The following CSDE1 variants were observed in gnomAD, a reference collection of about 807,000 sequenced individuals.
The protein encoded by CSDE1 is cold shock domain-containing protein E1.
In CSDE1, 17 loss-of-function variants were observed where a neutral mutation model predicts 89.3. The observed-to-expected ratio is 0.19, with a 90% CI of 0.13 to 0.29. The LOEUF (loss-of-function observed/expected upper bound fraction) is 0.29. Among genes scored for constraint, CSDE1 ranks in the 10% least tolerant of loss-of-function variants. The probability of loss-of-function intolerance (pLI) is 1.00; values close to 1 mark genes in which losing one functional copy is unlikely to be tolerated. For missense variants in CSDE1, 672 were observed against 984.2 expected, an observed-to-expected ratio of 0.68 and a Z score of 4.24; for synonymous variants, 322 against 332.8, an observed-to-expected ratio of 0.97 and a Z score of 0.35.
At chr1:114,734,175 C>T in intron 7 of CSDE1, 58 bp from the exon 8 acceptor site, 1 of 1,551,004 alleles carries the variant, frequency 6.4e-7, no homozygotes, top group Admixed American at 2.1e-5. Context: ...TTTATGATTA[C>T]AACTTAAAAC....
intron 1 of CSDE1, among the ~76,000 whole-genome samples, chr1:114,751,073 G>T: frequency 6.6e-6 from 1 of 152,194 alleles, no homozygotes; most frequent in East Asian, 1.9e-4. Context: ...TCAACGTGAT[G>T]TAACAGGAAA....
chr1:114,735,718 T>C (rs1394912021), intron 6 of CSDE1, among the ~76,000 whole-genome samples: 1 of 152,194 alleles, frequency 6.6e-6, no homozygotes, highest in Non-Finnish European at 1.5e-5. Flanking sequence ...TTACTAGCAC[T>C]TTCTCCAACT....
chr1:114,727,085 A>T lies in CSDE1; in HGVS notation c.1362T>A (p.Ala454=). The change falls in exon 13 of 20, where the codon GCT becomes GCA. Residue 454 remains alanine, a synonymous_variant. Coordinates refer to ENST00000358528, the MANE Select transcript of CSDE1 (RefSeq NM_001007553.3). The part of the protein sequence containing the change: ...TSPNKGKEKE[A]EDGIIAYDDC... ...CATCATAAGCAATAATGCCATCCTC[A>T]GCCTCCTAAAGAGATACAGTCAAAA... is the stretch of plus-strand genomic sequence containing the variant. The T allele has an allele frequency of 6.2e-7, 1 of 1,607,588 alleles. No homozygotes were observed. The highest frequency in any genetic ancestry group is 8.5e-7 in the Non-Finnish European group (1 of 1,174,610).
chr1:114,739,932 A>G (rs753109594), intron 2 of CSDE1, 42 bp from the exon 3 acceptor site: 2 of 1,502,042 alleles, frequency 1.3e-6, no homozygotes, highest in African/African-American at 1.4e-5. Context: ...TCTGTACATT[A>G]TCTCCATAGC....
chr1:114,718,637 C>T lies in CSDE1; in HGVS notation c.2325G>A (p.Gln775=), dbSNP rs762516403. ...CCATTGAGTTATCTGGTCCCCTTGG[C>T]TGACGAAGAACCATTAGGCGAGGAG... is the stretch of plus-strand genomic sequence containing the variant. ...ASAPRLMVLR[Q]PRGPDNSMGF... The change falls in exon 19 of 20, where the codon CAG becomes CAA. Residue 775 remains glutamine (Q), a synonymous_variant. Coordinates refer to ENST00000358528, the MANE Select transcript of CSDE1 (RefSeq NM_001007553.3). 19 of 1,614,016 alleles carry T rather than the reference C, an allele frequency of 1.2e-5. No individual in the cohort carries two copies. The highest frequency in any genetic ancestry group is 1.6e-5 in the Non-Finnish European group (19 of 1,180,018).
intron 16 of CSDE1, among the ~76,000 whole-genome samples, chr1:114,720,930 G>A (rs779541151): frequency 3.9e-5 from 6 of 152,168 alleles, no homozygotes; most frequent in Non-Finnish European, 8.8e-5. Context: ...GCTCCCATCA[G>A]TACTTTATTA....
chr1:114,756,949 T>G (rs1018428980), intron 1 of CSDE1: 2 of 152,172 alleles, frequency 1.3e-5, no homozygotes, highest in Non-Finnish European at 1.5e-5. Context: ...TGGCAAAAAT[T>G]TGAAGCTGTC....
rs369575435 is a variant in CSDE1, at chr1:114,738,086, A to C, written c.200-14T>G. On this transcript the variant is annotated splice_polypyrimidine_tract_variant and intron_variant, in intron 3 of 19. Coordinates refer to ENST00000358528, the MANE Select transcript of CSDE1 (RefSeq NM_001007553.3). ...ATTCAACATCATCTAAAAATAAATA[A>C]TGTGTTATGTTTGTTGAACTGATTT... The C allele has an allele frequency of 1.3e-6, 2 of 1,586,026 alleles. No homozygotes were observed. The highest frequency in any genetic ancestry group is 2.7e-5 in the African/African-American group (2 of 74,306).
chr1:114,734,974 T>A (rs1189357920), intron 6 of CSDE1, among the ~76,000 whole-genome samples: 3 of 152,254 alleles, frequency 2.0e-5, no homozygotes, highest in Non-Finnish European at 4.4e-5. Context: ...GATACAGAGA[T>A]AAATAGGAGA....
intron 6 of CSDE1, among the ~76,000 whole-genome samples, chr1:114,736,474 CCCTCAAAACTTA>C (rs1345222152): frequency 6.6e-6 from 1 of 152,166 alleles, no homozygotes. Context: ...CTATACCCCT[CCCTCAAAACTTA>C]CCTCAAAGCA....
chr1:114,735,076 C>T (rs12135718), intron 6 of CSDE1, among the ~76,000 whole-genome samples: 30,826 of 152,050 alleles, frequency 0.2, 3,574 homozygotes, highest in Non-Finnish European at 0.25. Flanking sequence ...AATGAAGTGA[C>T]TTTAAGAGAA....
At chr1:114,741,513 C>A in intron 2 of CSDE1, 1 of 1,542,864 alleles carries the variant, frequency 6.5e-7, no homozygotes, top group Non-Finnish European at 8.8e-7. Flanking sequence ...GAGATGACTG[C>A]TTTCCTGACT....
At position 114,737,499 on chromosome 1, in the gene CSDE1, G is replaced by T. The variant is rs1404453456; in HGVS notation, c.374C>A (p.Thr125Lys). The T allele has an allele frequency of 6.2e-7, 1 of 1,613,782 alleles. No homozygotes were observed. The highest frequency in any genetic ancestry group is 1.7e-5 in the Admixed American group (1 of 59,984). The change falls in exon 5 of 20, where the codon ACA (threonine) becomes AAA (lysine). Residue 125 changes from threonine to lysine, a missense_variant. By Grantham distance (78) the Thr-to-Lys change is moderately conservative. Transcript: ENST00000358528. ...KSPAAPGQSP[T>K]GSVCYERNGE... ...ATTACGTTCGTAGCATACACTCCCT[G>T]TTGGACTCTGACCCGGGGCAGCTGG...
chr1:114,736,901 T>A (rs771372715), intron 5 of CSDE1, 46 bp from the exon 6 acceptor site: 3 of 1,418,832 alleles, frequency 2.1e-6, no homozygotes, highest in Non-Finnish European at 3.0e-6. Context: ...GGATGCATAT[T>A]CACTGTATAC....
intron 12 of CSDE1, among the ~76,000 whole-genome samples, chr1:114,729,538 T>G (rs1015778482): frequency 4.7e-5 from 7 of 149,248 alleles, no homozygotes; most frequent in African/African-American, 1.7e-4. Flanking sequence ...AAAAAATTCC[T>G]GTCGGACTAG....
Position 114,734,458 on chromosome 1 carries a change from A to G in CSDE1, c.566T>C (p.Val189Ala). ...AACACTTACCTTCATGGCACAAACTACTCCCTGACAGCGGGCTTGTTTCTT... is the reference window on the plus strand; with the variant it reads ...AACACTTACCTTCATGGCACAAACTGCTCCCTGACAGCGGGCTTGTTTCTT... The part of the protein sequence containing the change: ...LKKKQARCQG[V>A]VCAMKEAFGF... The change falls in exon 7 of 20, where the codon GTA becomes GCA. Residue 189 changes from valine to alanine, a missense_variant. Val to Ala is a moderately conservative substitution (Grantham distance 64). Coordinates refer to ENST00000358528, the MANE Select transcript of CSDE1 (RefSeq NM_001007553.3). 2 of 1,612,800 alleles carry G rather than the reference A, an allele frequency of 1.2e-6. No individual in the cohort carries two copies. The highest frequency in any genetic ancestry group is 1.7e-4 in the Middle Eastern group (1 of 6,060).
At chr1:114,757,582 C>G (rs189149307) in intron 1 of CSDE1, among the ~76,000 whole-genome samples, 195 of 152,244 alleles carry the variant, frequency 1.3e-3, no homozygotes, top group African/African-American at 4.6e-3. Context: ...ATCCCAGCAG[C>G]CTCCGCGCCC....
intron 2 of CSDE1, chr1:114,741,530 T>C (rs1238456826): frequency 6.5e-7 from 1 of 1,546,204 alleles, no homozygotes; most frequent in Non-Finnish European, 8.7e-7. Flanking sequence ...GACTTACAGA[T>C]CTCTGATAAG....
At chr1:114,752,610 TA>T (rs1364097151) in intron 1 of CSDE1, among the ~76,000 whole-genome samples, 2 of 152,196 alleles carry the variant, frequency 1.3e-5, no homozygotes, top group African/African-American at 4.8e-5. Context: ...GCCTAATCCT[TA>T]AACACAACTC....
Sources: gnomAD v4.1 joint callset for allele counts (sites outside exome capture counted in the v4.1 genomes callset) on GRCh38, gnomAD v4.1.1 for gene constraint, MANE v1.5 for transcripts, NCBI Gene and HGNC (gene_info 2026-07-23, HGNC 2026-07-21) for gene names.